ARMC2: variants seen among roughly 807,000 people sequenced by gnomAD.
The protein encoded by ARMC2 is armadillo repeat-containing protein 2.
In ARMC2, 67 loss-of-function variants were observed where a neutral mutation model predicts 90.3. The observed-to-expected ratio is 0.74, with a 90% CI of 0.61 to 0.91. The LOEUF is 0.91. ARMC2 is among the 40% of genes least tolerant of loss of function. The pLI is 0.00. For missense variants in ARMC2, 920 were observed against 1,030.9 expected (o/e 0.89, Z 1.47); for synonymous variants, 393 against 393.0 (o/e 1.00, Z 0.00).
chr6:108,999,804 C>CA, the ARMC2 span: 1 of 152,028 alleles, frequency 6.6e-6, no homozygotes, highest in Non-Finnish European at 1.5e-5. Context: ...CTTTTGTCGA[C>CA]AAAAAACAAG....
At chr6:108,984,907 A>G in the ARMC2 span, among the ~76,000 whole-genome samples, 1,944 of 152,118 alleles carry the variant, frequency 0.013, 16 homozygotes, top group Non-Finnish European at 0.019. Context: ...CAGTTTCCCA[A>G]TTGGTTTCTA....
chr6:109,029,657 T>TCC, the ARMC2 span, among the ~76,000 whole-genome samples: 1 of 152,120 alleles, frequency 6.6e-6, no homozygotes, highest in Non-Finnish European at 1.5e-5. Flanking sequence ...TGTCTTAGCC[T>TCC]CCCAAGTAGG....
intron 13 of ARMC2, among the ~76,000 whole-genome samples, chr6:108,958,638 T>G (rs1239896749): frequency 1.3e-5 from 2 of 152,204 alleles, no homozygotes; most frequent in Non-Finnish European, 2.9e-5. Flanking sequence ...GTCATCAGTC[T>G]GGGGCTGGAG....
At chr6:109,015,566 T>C in the ARMC2 span, among the ~76,000 whole-genome samples, 2 of 152,300 alleles carry the variant, frequency 1.3e-5, no homozygotes, top group Middle Eastern at 6.8e-3. Flanking sequence ...GGAGAATTCA[T>C]TCAGACATAT....
chr6:108,968,078 T>C (rs374154319), intron 17 of ARMC2, among the ~76,000 whole-genome samples: 1 of 152,324 alleles, frequency 6.6e-6, no homozygotes, highest in South Asian at 2.1e-4. Flanking sequence ...CCTTTGCAAC[T>C]GAACCACCTT....
downstream of ARMC2, among the ~76,000 whole-genome samples, chr6:108,976,646 G>GT (rs1196485472): frequency 4.6e-5 from 7 of 152,106 alleles, no homozygotes; most frequent in South Asian, 1.2e-3. Context: ...AGCATGGAAT[G>GT]TTTTTTTAAT....
chr6:108,986,402 G>GA, the ARMC2 span: 1 of 152,606 alleles, frequency 6.6e-6, no homozygotes, highest in East Asian at 1.9e-4. Context: ...TACTAATAGT[G>GA]AAGTCATGAT....
chr6:108,901,957 G>T (rs1030177210), intron 7 of ARMC2, among the ~76,000 whole-genome samples: 3 of 152,178 alleles, frequency 2.0e-5, no homozygotes, highest in Admixed American at 2.0e-4. Context: ...CCCGTGATGA[G>T]CTCCAGGTTA....
the ARMC2 span, among the ~76,000 whole-genome samples, chr6:109,006,801 G>C: frequency 6.6e-6 from 1 of 152,104 alleles, no homozygotes; most frequent in South Asian, 2.1e-4. Flanking sequence ...GATCAAAAAA[G>C]GCACTGCGGG....
At chr6:109,008,863 CCT>C in the ARMC2 span, 1 of 985,804 alleles carries the variant, frequency 1.0e-6, no homozygotes. Flanking sequence ...TCATCTCTTC[CCT>C]GAGTCAAATG....
chr6:109,047,021 C>T, the ARMC2 span, among the ~76,000 whole-genome samples: 21 of 30,816 alleles, frequency 6.8e-4, no homozygotes, highest in African/African-American at 2.8e-3. Context: ...CCCGGCCAGC[C>T]GCCCCATCCG....
chr6:108,854,903 T>G (rs1206093803), intron 2 of ARMC2, among the ~76,000 whole-genome samples: 1 of 152,230 alleles, frequency 6.6e-6, no homozygotes, highest in Non-Finnish European at 1.5e-5. Flanking sequence ...TTCACTTCCT[T>G]CCCTCATCCC....
chr6:109,000,196 C>A, the ARMC2 span: 1 of 204,010 alleles, frequency 4.9e-6, no homozygotes, highest in Non-Finnish European at 9.7e-6. Context: ...AGGGTACTAA[C>A]TATTCCATAT....
At chr6:109,022,492 G>A in the ARMC2 span, among the ~76,000 whole-genome samples, 9 of 131,022 alleles carry the variant, frequency 6.9e-5, no homozygotes, top group East Asian at 2.4e-4. Context: ...GCGCGATCTC[G>A]GCTCATTGCA....
At chr6:108,905,112 A>G (rs1456278871) in intron 8 of ARMC2, among the ~76,000 whole-genome samples, 1 of 152,258 alleles carries the variant, frequency 6.6e-6, no homozygotes, top group Non-Finnish European at 1.5e-5. Context: ...AGCCGCTAAA[A>G]CAAATGAATG....
At chr6:109,030,062 C>G in the ARMC2 span, among the ~76,000 whole-genome samples, 2 of 152,088 alleles carry the variant, frequency 1.3e-5, no homozygotes, top group Admixed American at 6.5e-5. Context: ...AATAAAATAG[C>G]CTTTTAACTT....
rs948498051 is a variant in ARMC2 at position 108,931,750 on chromosome 6, G to T, written c.1496+3517G>T. Among the ~76,000 whole-genome samples, 3 of 149,878 alleles carry T rather than the reference G, an allele frequency of 2.0e-5. 1 individual carries two copies. The highest frequency in any genetic ancestry group is 7.4e-5 in the African/African-American group (3 of 40,728). ...GTGTGTCTTCTTTTGAAAAGTGTTTGTTCATGTTCTTTGCCCACTTTTTTT... is the reference window on the plus strand; with the variant it reads ...GTGTGTCTTCTTTTGAAAAGTGTTTTTTCATGTTCTTTGCCCACTTTTTTT... On this transcript the variant is annotated intron_variant, in intron 11 of 17. Transcript: ENST00000392644.
the ARMC2 span, among the ~76,000 whole-genome samples, chr6:109,011,661 GCT>G: frequency 6.9e-6 from 1 of 145,006 alleles, no homozygotes; most frequent in South Asian, 2.1e-4. Context: ...ACAGAGTCTC[GCT>G]CTGTCAGCCA....
intron 12 of ARMC2, among the ~76,000 whole-genome samples, chr6:108,944,022 A>G (rs1776637770): frequency 6.6e-6 from 1 of 152,236 alleles, no homozygotes; most frequent in Non-Finnish European, 1.5e-5. Flanking sequence ...CAAGTGACTC[A>G]AATGAACAGC....
Sources: allele counts gnomAD v4.1 joint callset (sites outside exome capture counted in the v4.1 genomes callset), GRCh38; gene constraint gnomAD v4.1.1; transcripts MANE v1.5; gene names NCBI Gene and HGNC (gene_info 2026-07-23, HGNC 2026-07-21).